Variants in HEPHL1 observed in about 807,000 individuals in gnomAD.
HEPHL1 encodes the protein ferroxidase HEPHL1.
HEPHL1 carries 123 observed loss-of-function variants against 122.0 expected under a neutral mutation model. That is an observed-to-expected ratio of 1.01 (90% CI 0.87 to 1.17). The LOEUF is 1.17. HEPHL1 is among the 50% of genes most tolerant of loss of function. The probability of loss-of-function intolerance (pLI) is 0.00; values close to 1 mark genes in which losing one functional copy is unlikely to be tolerated. For missense variants in HEPHL1, 1,452 were observed against 1,430.5 expected, an observed-to-expected ratio of 1.01 and a Z score of -0.24; for synonymous variants, 527 against 508.9, an observed-to-expected ratio of 1.04 and a Z score of -0.48.
intron 1 of HEPHL1, among the ~76,000 whole-genome samples, chr11:94,023,067 A>G (rs1945595266): frequency 1.3e-5 from 2 of 152,296 alleles, no homozygotes; most frequent in Admixed American, 1.3e-4. Flanking sequence ...TTTTCAATTC[A>G]TTACTGCTTG....
At chr11:94,103,061 G>T (rs573111716) in intron 15 of HEPHL1, 41 bp downstream of exon 15, 2 of 1,157,420 alleles carry the variant, frequency 1.7e-6, no homozygotes, top group African/African-American at 1.5e-5. Context: ...AAATAATTTG[G>T]ATGAAAGTTG....
intron 13 of HEPHL1, 75 bp from the exon 14 acceptor site, chr11:94,101,120 C>G: frequency 2.0e-6 from 3 of 1,505,882 alleles, no homozygotes; most frequent in Non-Finnish European, 2.7e-6. Flanking sequence ...ATTTGACTAA[C>G]TACTGCCTAT....
chr11:94,097,090 T>A (rs1946323004), intron 13 of HEPHL1, among the ~76,000 whole-genome samples: 1 of 152,184 alleles, frequency 6.6e-6, no homozygotes. Flanking sequence ...TTGCTTATCT[T>A]GTTATTTTAA....
intron 4 of HEPHL1, 25 bp from the exon 5 acceptor site, chr11:94,067,471 T>C: frequency 6.2e-7 from 1 of 1,608,240 alleles, no homozygotes; most frequent in Non-Finnish European, 8.5e-7. Flanking sequence ...GGGAGTCTCT[T>C]CCACTAGCGT....
intron 2 of HEPHL1, among the ~76,000 whole-genome samples, 174 bp downstream of exon 2, chr11:94,046,091 C>CTTTTTTTTTTCTTTTTTTTT (rs1555059416): frequency 4.6e-5 from 3 of 65,048 alleles, no homozygotes; most frequent in African/African-American, 6.4e-5. Flanking sequence ...CCCTTTCTTG[C>CTTTTTTTTTTCTTTTTTTTT]TTTTTTTTTT....
intron 13 of HEPHL1, among the ~76,000 whole-genome samples, chr11:94,097,695 G>A (rs970758041): frequency 1.3e-5 from 2 of 151,594 alleles, no homozygotes; most frequent in African/African-American, 4.9e-5. Flanking sequence ...ATGAATCTGG[G>A]TGCTCCTGTA....
chr11:94,027,711 C>T (rs368571334), intron 1 of HEPHL1, among the ~76,000 whole-genome samples: 4 of 152,298 alleles, frequency 2.6e-5, no homozygotes, highest in Admixed American at 6.5e-5. Flanking sequence ...GATTCAAGCT[C>T]ATTTTCATTC....
rs375859938 is a variant in HEPHL1 at position 94,104,568 on chromosome 11, G to T, written c.2723G>T (p.Arg908Leu). ...SGLMGPLITC[R>L]KGVLNEKGRR... ...TTGATGGGTCCTCTGATTACATGCC[G>T]AAAAGGAGTCTTGAATGAAAAGGGA... The change falls in exon 16 of 20, where the codon CGA becomes CTA. Residue 908 changes from arginine (R) to leucine (L), a missense_variant. Transcript: ENST00000315765. The T allele has an allele frequency of 6.2e-7, 1 of 1,613,620 alleles. No homozygotes were observed. The highest frequency in any genetic ancestry group is 2.2e-5 in the East Asian group (1 of 44,880).
chr11:94,034,070 C>T (rs1945700763), intron 1 of HEPHL1, among the ~76,000 whole-genome samples: 3 of 152,182 alleles, frequency 2.0e-5, no homozygotes, highest in Admixed American at 6.5e-5. Flanking sequence ...AAGAGAGTGT[C>T]TGATCTGGCA....
At chr11:94,103,317 A>T (rs1946384229) in intron 15 of HEPHL1, among the ~76,000 whole-genome samples, 1 of 151,310 alleles carries the variant, frequency 6.6e-6, no homozygotes, top group Non-Finnish European at 1.5e-5. Context: ...CCTTGACTTA[A>T]AGTATGGGGA....
intron 10 of HEPHL1, among the ~76,000 whole-genome samples, chr11:94,082,815 G>A (rs1056695513): frequency 3.9e-5 from 6 of 152,126 alleles, no homozygotes; most frequent in African/African-American, 7.2e-5. Flanking sequence ...TTAAACTAGC[G>A]GCCAGGCACA....
chr11:94,029,637 C>T (rs955507233), intron 1 of HEPHL1, among the ~76,000 whole-genome samples: 1 of 152,206 alleles, frequency 6.6e-6, no homozygotes, highest in African/African-American at 2.4e-5. Flanking sequence ...GCAAGTGGTA[C>T]ATGGGTGGAC....
intron 1 of HEPHL1, among the ~76,000 whole-genome samples, chr11:94,042,882 A>AAAAAAAAAAAAAAAAAAAAAAAAAAC (rs1449884226): frequency 7.3e-6 from 1 of 136,838 alleles, no homozygotes; most frequent in Admixed American, 7.3e-5. Flanking sequence ...TAATAAAAAA[A>AAAAAAAAAAAAAAAAAAAAAAAAAAC]AAAAAAAAAA....
chr11:94,084,391 A>T (rs1302084329), intron 10 of HEPHL1, among the ~76,000 whole-genome samples: 1 of 151,688 alleles, frequency 6.6e-6, no homozygotes, highest in Non-Finnish European at 1.5e-5. Flanking sequence ...TAAATACAGG[A>T]TATATCATTG....
chr11:94,092,684 T>A (rs1345255124), intron 12 of HEPHL1, among the ~76,000 whole-genome samples: 2 of 152,166 alleles, frequency 1.3e-5, no homozygotes, highest in African/African-American at 2.4e-5. Flanking sequence ...CTGCATGAGT[T>A]ACAGTGCTGT....
rs527538776 is a variant in HEPHL1 at position 94,035,034 on chromosome 11, T to C, written c.171-10639T>C. Among the ~76,000 whole-genome samples the C allele has an allele frequency of 2.0e-3, 308 of 152,344 alleles. 5 individuals carry two copies. Among genetic ancestry groups the C allele is most frequent in the Non-Finnish European group, 3.1e-4 (21 of 68,022 alleles). ...ATCTTCAGTGGCTCTTAGTTGAAGATACAATTACATCTAAATGCCTTAGCC... is the reference window on the plus strand; with the variant it reads ...ATCTTCAGTGGCTCTTAGTTGAAGACACAATTACATCTAAATGCCTTAGCC... On this transcript the variant is annotated intron_variant, in intron 1 of 19. Transcript: ENST00000315765.
At position 94,075,191 on chromosome 11, in the gene HEPHL1, G is replaced by A; in HGVS notation, c.1522G>A (p.Ala508Thr). The change falls in exon 9 of 20, where the codon GCG (alanine) becomes ACG (threonine). Residue 508 changes from alanine (A) to threonine (T), a missense_variant. Physicochemically the swap from Ala to Thr is moderately conservative, Grantham distance 58. Transcript: ENST00000315765. Reference protein sequence around the residue: ...PNLDGFVKPGAHVKPGETFTY... With the variant: ...PNLDGFVKPGTHVKPGETFTY... ...ATCCTCAGGATTTGTGAAACCAGGG[G>A]CGCATGTTAAACCAGGTGAAACCTT... 2 of 1,612,944 alleles carry A rather than the reference G, an allele frequency of 1.2e-6. No individual in the cohort carries two copies. Among genetic ancestry groups the A allele is most frequent in the Non-Finnish European group, 1.7e-6 (2 of 1,179,394 alleles).
chr11:94,057,316 T>C lies in HEPHL1; in HGVS notation c.416-6192T>C, dbSNP rs1423583760. On this transcript the variant is annotated intron_variant, in intron 2 of 19. Coordinates refer to ENST00000315765, the MANE Select transcript of HEPHL1 (RefSeq NM_001098672.2). ...AATGTTTTTCATCAAATTTGGGAAA[T>C]TTTTGGCCATTATTTCTTCAAATAT... Among the ~76,000 whole-genome samples, 12 of 152,144 alleles carry C rather than the reference T, an allele frequency of 7.9e-5. 1 individual carries two copies. Among genetic ancestry groups the C allele is most frequent in the Admixed American group, 7.2e-4 (11 of 15,246 alleles).
At chr11:94,095,696 T>C (rs1162497081) in intron 13 of HEPHL1, among the ~76,000 whole-genome samples, 5 of 152,136 alleles carry the variant, frequency 3.3e-5, no homozygotes, top group Non-Finnish European at 5.9e-5. Context: ...TCTTTTATTT[T>C]GTTGAGCAGT....
Sources: gnomAD v4.1 joint callset for allele counts (sites outside exome capture counted in the v4.1 genomes callset) on GRCh38, gnomAD v4.1.1 for gene constraint, MANE v1.5 for transcripts, NCBI Gene and HGNC (gene_info 2026-07-23, HGNC 2026-07-21) for gene names.